INSR: variants seen among roughly 807,000 people sequenced by gnomAD.
INSR encodes insulin receptor.
Under a neutral mutation model 142.6 loss-of-function variants are expected in INSR, and 67 were observed. The ratio of observed to expected loss-of-function variants is 0.47; its 90% CI spans 0.39 to 0.58. The LOEUF is 0.58. Ranked by LOEUF, INSR falls within the 20% of genes least tolerant of loss-of-function variation. The probability of loss-of-function intolerance (pLI) is 0.00; values close to 1 mark genes in which losing one functional copy is unlikely to be tolerated. For missense variants in INSR, 1,248 were observed against 1,833.2 expected (o/e 0.68, Z 5.83); for synonymous variants, 756 against 743.1 (o/e 1.02, Z -0.28).
chr19:7,212,342 T>C (rs1600028044), intron 2 of INSR, among the ~76,000 whole-genome samples: 1 of 152,032 alleles, frequency 6.6e-6, no homozygotes, highest in Non-Finnish European at 1.5e-5. Context: ...TCCCCTGGCT[T>C]CCCCACAGTC....
At chr19:7,134,784 T>C (rs1303538604) in intron 13 of INSR, among the ~76,000 whole-genome samples, 2 of 151,832 alleles carry the variant, frequency 1.3e-5, no homozygotes, top group African/African-American at 2.4e-5. Flanking sequence ...GAAAATGTGG[T>C]ATACTTTGCC....
chr19:7,180,302 G>A (rs966702421), intron 3 of INSR, among the ~76,000 whole-genome samples: 3 of 152,088 alleles, frequency 2.0e-5, no homozygotes, highest in African/African-American at 7.2e-5. Context: ...AGCCAAGGTG[G>A]GAGGATCACT....
chr19:7,253,039 C>A (rs1016160035), intron 2 of INSR, among the ~76,000 whole-genome samples: 1 of 150,428 alleles, frequency 6.6e-6, no homozygotes, highest in Admixed American at 6.6e-5. Context: ...CCCTTGAACC[C>A]GGGAGGCGGA....
chr19:7,260,535 C>T (rs1297603628), intron 2 of INSR, among the ~76,000 whole-genome samples: 2 of 152,174 alleles, frequency 1.3e-5, no homozygotes, highest in African/African-American at 4.8e-5. Context: ...GCACCCATCC[C>T]TCATCAGCAG....
Position 7,150,861 on chromosome 19 carries a change from C to T in INSR, c.2232-329G>A, listed in dbSNP as rs1973318261. Among the ~76,000 whole-genome samples, 1 of 151,830 alleles carries T rather than the reference C, an allele frequency of 6.6e-6. No individual in the cohort carries two copies. The highest frequency in any genetic ancestry group is 2.4e-5 in the African/African-American group (1 of 41,326). On this transcript the variant is annotated intron_variant, in intron 10 of 21. Transcript: ENST00000302850. This position sits in a 1 kb window ranked among gnomAD's most constrained non-coding sequence, Gnocchi z 4.2. ...TCTGGCAGAATTTTTCTTTTCTTTC[C>T]CTTCTTTCTTCTTTCTCTCTCTCTT...
intron 13 of INSR, among the ~76,000 whole-genome samples, chr19:7,136,177 A>T (rs1972920987): frequency 6.6e-6 from 1 of 151,912 alleles, no homozygotes; most frequent in Admixed American, 6.6e-5. Flanking sequence ...GTCATGGCTA[A>T]TTTGGGGCTG....
intron 15 of INSR, among the ~76,000 whole-genome samples, chr19:7,128,591 T>C (rs1279977552): frequency 2.0e-5 from 3 of 151,682 alleles, no homozygotes; most frequent in Non-Finnish European, 4.4e-5. Context: ...TCAATTGCAA[T>C]AATAGGTTAG....
chr19:7,162,712 C>A (rs1018444819), intron 9 of INSR, among the ~76,000 whole-genome samples: 1 of 151,594 alleles, frequency 6.6e-6, no homozygotes. Flanking sequence ...CCCAGCTACT[C>A]GGGAGGCTGA....
chr19:7,247,556 AG>A (rs1250063979), intron 2 of INSR, among the ~76,000 whole-genome samples: 1 of 152,232 alleles, frequency 6.6e-6, no homozygotes, highest in Non-Finnish European at 1.5e-5. Flanking sequence ...AGAGGAAAAA[AG>A]AACAAACTCC....
At chr19:7,231,449 C>T (rs1224946689) in intron 2 of INSR, among the ~76,000 whole-genome samples, 1 of 151,684 alleles carries the variant, frequency 6.6e-6, no homozygotes, top group Non-Finnish European at 1.5e-5. Flanking sequence ...TACAGGTCCC[C>T]AACACCACGC....
intron 17 of INSR, among the ~76,000 whole-genome samples, chr19:7,124,438 C>T (rs1451684524): frequency 7.0e-6 from 1 of 142,608 alleles, no homozygotes; most frequent in Non-Finnish European, 1.5e-5. Context: ...ACTCGGGAGG[C>T]TGAGGCAGGA....
rs1237059724 is a variant in INSR at position 7,122,717 on chromosome 19, C to T, written c.3426G>A (p.Glu1142=). The part of the protein sequence containing the change: ...TLQEMIQMAA[E]IADGMAYLNA... Reference sequence around the variant, plus strand: ...TCAGGTAGGCCATCCCGTCAGCAATCTCTGCCGCCATCTGAATCATCTCTT... The same window carrying T: ...TCAGGTAGGCCATCCCGTCAGCAATTTCTGCCGCCATCTGAATCATCTCTT... The change falls in exon 19 of 22, where the codon GAG becomes GAA. Residue 1142 remains glutamate (E), a synonymous_variant. Transcript: ENST00000302850. 3.7e-6 allele frequency: 6 copies of T among 1,614,220 alleles called. No individual in the cohort carries two copies. Among genetic ancestry groups the T allele is most frequent in the Non-Finnish European group, 5.1e-6 (6 of 1,180,044 alleles).
intron 17 of INSR, among the ~76,000 whole-genome samples, chr19:7,124,984 G>A (rs1250381716): frequency 6.6e-6 from 1 of 152,026 alleles, no homozygotes; most frequent in Non-Finnish European, 1.5e-5. Context: ...CCGGAAAGTG[G>A]TGGAAGATTC....
intron 13 of INSR, among the ~76,000 whole-genome samples, chr19:7,136,215 C>G (rs8102668): frequency 0.19 from 28,282 of 151,882 alleles, 4,461 homozygotes; most frequent in East Asian, 0.61. Context: ...TGGTACCAGG[C>G]TGGGGTTGAG....
rs773256337 is a variant in INSR, at chr19:7,119,470, G to T, written c.3773C>A (p.Pro1258His). The T allele has an allele frequency of 2.5e-6, 4 of 1,614,104 alleles. No individual in the cohort carries two copies. ...TTACACTCTCTCTGGACAGTTGTCG[G>T]GTTGATCCAGATACCCTCCATCCAT... The part of the protein sequence containing the change: ...FVMDGGYLDQ[P>H]DNCPERVTDL... Residue 1258 changes from proline to histidine, a missense_variant, in exon 21 of 22, where the codon CCC (proline) becomes CAC (histidine). Pro to His is a moderately conservative substitution (Grantham distance 77). Around this residue, in one of 3 missense-constraint regions of INSR, gnomAD observed 1,069 missense variants for 1,654.0 expected, o/e 0.65. Coordinates refer to ENST00000302850, the MANE Select transcript of INSR (RefSeq NM_000208.4). This position sits in a 1 kb window ranked among gnomAD's most constrained non-coding sequence, Gnocchi z 5.2.
At chr19:7,167,530 C>T (rs1342858531) in intron 7 of INSR, among the ~76,000 whole-genome samples, 1 of 150,492 alleles carries the variant, frequency 6.6e-6, no homozygotes, top group African/African-American at 2.5e-5. Flanking sequence ...GAGCCAAGAT[C>T]TGCCACTGCA....
At chr19:7,201,372 C>A (rs1221724898) in intron 2 of INSR, among the ~76,000 whole-genome samples, 1 of 152,012 alleles carries the variant, frequency 6.6e-6, no homozygotes, top group Admixed American at 6.6e-5. Flanking sequence ...TGTTTTTAAT[C>A]CCAGCACTTT....
chr19:7,150,930 T>C lies in INSR; in HGVS notation c.2232-398A>G, dbSNP rs1293478608. Among the ~76,000 whole-genome samples the C allele has an allele frequency of 1.3e-5, 2 of 151,860 alleles. No individual in the cohort carries two copies. The highest frequency in any genetic ancestry group is 3.9e-4 in the East Asian group (2 of 5,182). ...TCTCCTTTTCTTTTCTCTTTCTCTT[T>C]TCTCTCTCCCTCTCTCTCCTTCCTT... is the stretch of plus-strand genomic sequence containing the variant. On this transcript the variant is annotated intron_variant, in intron 10 of 21. Coordinates refer to ENST00000302850, the MANE Select transcript of INSR (RefSeq NM_000208.4). The surrounding 1 kb of genome is among the most constrained non-coding windows in gnomAD (Gnocchi z 4.2).
intron 13 of INSR, among the ~76,000 whole-genome samples, chr19:7,133,051 C>G (rs939870432): frequency 6.6e-6 from 1 of 151,980 alleles, no homozygotes; most frequent in Non-Finnish European, 1.5e-5. Flanking sequence ...TGCTGGAGCC[C>G]AGGAGTTAGA....
Sources: gnomAD v4.1 joint callset for allele counts (sites outside exome capture counted in the v4.1 genomes callset) on GRCh38, gnomAD v4.1.1 for gene constraint, gnomAD v4.1.1 regional missense constraint, Gnocchi (gnomAD v3.1) non-coding constraint, MANE v1.5 for transcripts, NCBI Gene and HGNC (gene_info 2026-07-23, HGNC 2026-07-21) for gene names.